The following EIF3L variants were observed in gnomAD, a reference collection of about 807,000 sequenced individuals.
The protein encoded by EIF3L is eIEF associated protein HSPC021.
EIF3L carries 32 observed loss-of-function variants against 74.6 expected under a neutral mutation model. The observed-to-expected ratio is 0.43, with a 90% CI of 0.32 to 0.58. The LOEUF is 0.58. Ranked by LOEUF, EIF3L falls within the 20% of genes least tolerant of loss-of-function variation. EIF3L has a pLI of 0.06. For missense variants in EIF3L, 474 were observed against 707.8 expected, an observed-to-expected ratio of 0.67 and a Z score of 3.75; for synonymous variants, 256 against 254.4, an observed-to-expected ratio of 1.01 and a Z score of -0.06.
chr22:37,851,751 C>T lies in EIF3L; in HGVS notation c.293+261C>T, dbSNP rs6000908. Among the ~76,000 whole-genome samples, 819 of 152,232 alleles carry T rather than the reference C, an allele frequency of 5.4e-3. 7 individuals carry two copies. The highest frequency in any genetic ancestry group is 0.018 in the African/African-American group (762 of 41,546). ...CAAGATCTCGGCTCACTGCAACCTCCGCCTCCTGGGTTCAAGTGATTCTCC... is the reference window on the plus strand; with the variant it reads ...CAAGATCTCGGCTCACTGCAACCTCTGCCTCCTGGGTTCAAGTGATTCTCC... On this transcript the variant is annotated intron_variant, in intron 3 of 12. Transcript: ENST00000652021.
At chr22:37,872,899 A>T (rs935090465) in intron 8 of EIF3L, among the ~76,000 whole-genome samples, 11 of 151,950 alleles carry the variant, frequency 7.2e-5, no homozygotes, top group Non-Finnish European at 1.0e-4. Flanking sequence ...GAACTGTTTT[A>T]TAGGTAGCAA....
intron 7 of EIF3L, among the ~76,000 whole-genome samples, chr22:37,869,377 CA>C (rs1926353825): frequency 6.6e-6 from 1 of 152,002 alleles, no homozygotes; most frequent in South Asian, 2.1e-4. Context: ...GTGATCTGCC[CA>C]CCTCAGTTTC....
chr22:37,858,219 C>CTTTTTTT lies in EIF3L; in HGVS notation c.374-441_374-435dup, dbSNP rs549425262. 1.6e-3 allele frequency among the ~76,000 whole-genome samples: 132 copies of CTTTTTTT among 85,084 alleles called. 1 individual carries two copies. The highest frequency in any genetic ancestry group is 1.8e-3 in the Non-Finnish European group (84 of 47,612). The allele number at this position is 85,084 out of a possible 152,430, so 55.8% of individuals were successfully genotyped here. A position where few individuals can be genotyped will look rare whatever the true frequency, so the allele number is the denominator to read the frequency against. On this transcript the variant is annotated intron_variant, in intron 4 of 12. Transcript: ENST00000652021. ...TCTGAAATTAATATTTTCTTTCTTC[C>CTTTTTTT]TTTTTTTTTTTTTTTTTTTTTTTTT...
At chr22:37,856,592 C>G (rs1346038756) in intron 4 of EIF3L, among the ~76,000 whole-genome samples, 1 of 152,034 alleles carries the variant, frequency 6.6e-6, no homozygotes, top group Admixed American at 6.6e-5. Flanking sequence ...CGCCTGTAAT[C>G]CAAGCACTTT....
intron 5 of EIF3L, 54 bp downstream of exon 5, chr22:37,858,794 G>A (rs1256534742): frequency 1.3e-6 from 2 of 1,485,050 alleles, no homozygotes; most frequent in Non-Finnish European, 1.8e-6. Flanking sequence ...TTAACTCTGT[G>A]CTGTTTTTGT....
At chr22:37,877,586 G>T (rs1262866563) in intron 10 of EIF3L, 88 bp from the exon 11 acceptor site, 6 of 1,459,468 alleles carry the variant, frequency 4.1e-6, no homozygotes, top group Non-Finnish European at 5.5e-6. Flanking sequence ...TCAAAGATCT[G>T]TGCAGAGAAT....
At chr22:37,871,312 T>TGTA (rs981687865) in intron 8 of EIF3L, 3 of 152,062 alleles carry the variant, frequency 2.0e-5, no homozygotes, top group African/African-American at 4.8e-5. Flanking sequence ...TACTACACCA[T>TGTA]GTAGTAGTAT....
chr22:37,870,080 C>G (rs1246330360), intron 7 of EIF3L, 96 bp from the exon 8 acceptor site: 2 of 1,131,874 alleles, frequency 1.8e-6, no homozygotes, highest in African/African-American at 3.1e-5. Context: ...CTTGCCCCAT[C>G]CAGAGCCAGA....
intron 7 of EIF3L, among the ~76,000 whole-genome samples, chr22:37,865,055 T>C (rs556409129): frequency 6.6e-6 from 1 of 152,340 alleles, no homozygotes; most frequent in South Asian, 2.1e-4. Context: ...TTCCATCTTA[T>C]TTAGCCCAGT....
At chr22:37,855,511 A>T in intron 3 of EIF3L, 54 bp from the exon 4 acceptor site, 1 of 1,515,790 alleles carries the variant, frequency 6.6e-7, no homozygotes, top group South Asian at 1.1e-5. Context: ...AAATGTTAGG[A>T]TTGGCATTCT....
intron 7 of EIF3L, among the ~76,000 whole-genome samples, chr22:37,867,191 C>T (rs5756845): frequency 0.59 from 89,984 of 151,788 alleles, 26,944 homozygotes; most frequent in East Asian, 0.86. Flanking sequence ...GTGCACCCAG[C>T]TGATTTTTAA....
intron 7 of EIF3L, 47 bp from the exon 8 acceptor site, chr22:37,870,129 A>G (rs1926392851): frequency 6.6e-7 from 1 of 1,507,418 alleles, no homozygotes; most frequent in African/African-American, 1.4e-5. Context: ...ATGGATGATC[A>G]CTTTGGGCTT....
intron 9 of EIF3L, 138 bp downstream of exon 9, chr22:37,874,662 C>G (rs1406180884): frequency 1.9e-6 from 2 of 1,026,186 alleles, no homozygotes; most frequent in South Asian, 3.6e-5. Flanking sequence ...GAGACTAAAA[C>G]TGGGCAAACA....
chr22:37,878,210 G>A (rs771466383), intron 11 of EIF3L, 39 bp downstream of exon 11: 2 of 1,544,062 alleles, frequency 1.3e-6, no homozygotes, highest in South Asian at 1.3e-5. Flanking sequence ...TGTATTAAGT[G>A]TTCAGTATCT....
chr22:37,868,463 T>C (rs1419688836), intron 7 of EIF3L, among the ~76,000 whole-genome samples: 1 of 150,306 alleles, frequency 6.7e-6, no homozygotes, highest in Admixed American at 6.7e-5. Flanking sequence ...TTCTTTTTTT[T>C]TCCCCCCTAA....
Position 37,851,358 on chromosome 22 carries a change from AC to A in EIF3L, c.162del (p.Phe55SerfsTer12). 1.2e-6 allele frequency: 2 copies of A among 1,614,142 alleles called. No homozygotes were observed. The highest frequency in any genetic ancestry group is 1.7e-6 in the Non-Finnish European group (2 of 1,179,994). On this transcript the variant is annotated frameshift_variant, in exon 3 of 13. Coordinates refer to ENST00000652021, the MANE Select transcript of EIF3L (RefSeq NM_016091.4). LOFTEE classifies it high-confidence loss of function. Reference sequence around the variant, plus strand: ...CAGGTGATCCCTGAGGTGATCAAAAACTTCATCCAGTATTTCCACAAAACTG... The same window carrying A: ...CAGGTGATCCCTGAGGTGATCAAAAATTCATCCAGTATTTCCACAAAACTG... The part of the protein sequence containing the change: ...TYQVIPEVIK[N>X]FIQYFHKTVS...
Position 37,888,643 on chromosome 22 carries a change from A to G in EIF3L, c.*179A>G, listed in dbSNP as rs545936014. ...TCTTTGGAGCCAGATTTGTCGTCTC[A>G]TTATTGTAGGAGAGAATTTGTGGGT... On this transcript the variant is annotated 3_prime_UTR_variant, in exon 13 of 13. Transcript: ENST00000652021. The G allele has an allele frequency of 8.7e-5, 55 of 631,752 alleles. No homozygotes were observed. Among genetic ancestry groups the G allele is most frequent in the African/African-American group, 7.9e-4 (43 of 54,706 alleles). The allele number at this position is 631,752 out of a possible 1,614,324, so 39.1% of individuals were successfully genotyped here.
chr22:37,879,144 ATGT>A (rs953185280), intron 11 of EIF3L: 1 of 152,148 alleles, frequency 6.6e-6, no homozygotes, highest in Non-Finnish European at 1.5e-5. Context: ...GGGTTTTGCC[ATGT>A]TGGCCAGGCT....
At chr22:37,863,508 C>A (rs1355127203) in intron 7 of EIF3L, among the ~76,000 whole-genome samples, 163 bp downstream of exon 7, 2 of 152,150 alleles carry the variant, frequency 1.3e-5, no homozygotes, top group East Asian at 1.9e-4. Context: ...TCGGAAGAGG[C>A]AGGGAAGCCT....
Sources: gnomAD v4.1 joint callset for allele counts (sites outside exome capture counted in the v4.1 genomes callset) on GRCh38, gnomAD v4.1.1 for gene constraint, MANE v1.5 for transcripts, NCBI Gene and HGNC (gene_info 2026-07-23, HGNC 2026-07-21) for gene names.